Variants in NAA16 observed in about 807,000 individuals in gnomAD.
NAA16 encodes the protein NARG1-like protein.
NAA16 carries 97 observed loss-of-function variants against 110.3 expected under a neutral mutation model. The ratio of observed to expected loss-of-function variants is 0.88; its 90% confidence interval spans 0.75 to 1.04. The LOEUF (loss-of-function observed/expected upper bound fraction) is 1.04. Among genes scored for constraint, NAA16 ranks in the 50% least tolerant of loss-of-function variants. The probability of loss-of-function intolerance (pLI) is 0.00; values close to 1 mark genes in which losing one functional copy is unlikely to be tolerated. For missense variants in NAA16, 1,017 were observed against 1,005.1 expected (o/e 1.01, Z -0.16); for synonymous variants, 372 against 330.6 (o/e 1.13, Z -1.36).
Position 41,376,150 on chromosome 13 carries a change from C to G in NAA16, c.*548C>G, listed in dbSNP as rs139487013. 6 of 152,300 alleles carry G rather than the reference C, an allele frequency of 3.9e-5. No individual in the cohort carries two copies. The highest frequency in any genetic ancestry group is 3.3e-4 in the Admixed American group (5 of 15,268). 9.4% of individuals were successfully genotyped at this position (152,300 alleles called of 1,614,324 possible). A position where few individuals can be genotyped will look rare whatever the true frequency, so the allele number is the denominator to read the frequency against. On this transcript the variant is annotated 3_prime_UTR_variant, in exon 20 of 20. Transcript: ENST00000379406. The stretch of plus-strand genomic sequence containing the variant: ...ACTGAAAATACAAAAATTAGCCAGA[C>G]GTGATGGCACATACCTGTAATCCAA...
At chr13:41,336,784 CTA>C (rs2042393210) in intron 9 of NAA16, 28 bp downstream of exon 9, 1 of 1,318,696 alleles carries the variant, frequency 7.6e-7, no homozygotes, top group African/African-American at 1.5e-5. Flanking sequence ...TTCAGATTTG[CTA>C]TAGTCTTTTT....
rs972826266 is a variant in NAA16 at position 41,362,227 on chromosome 13, A to G, written c.1539+68A>G. Reference sequence around the variant, plus strand: ...ATAAAAAGCAGGTAGATTTCTACACAGGATCATCTGCCTCTTCTAACTTCT... The same window carrying G: ...ATAAAAAGCAGGTAGATTTCTACACGGGATCATCTGCCTCTTCTAACTTCT... On this transcript the variant is annotated intron_variant, in intron 13 of 19. Coordinates refer to ENST00000379406, the MANE Select transcript of NAA16 (RefSeq NM_024561.5). 5 of 1,488,226 alleles carry G rather than the reference A, an allele frequency of 3.4e-6. No homozygotes were observed. The Admixed American group carries it at 9.7e-5, about 29-fold the overall frequency. 92.2% of individuals were successfully genotyped at this position (1,488,226 alleles called of 1,614,324 possible).
rs528851474 is a variant in NAA16, at chr13:41,312,838, A to G, written c.54+1256A>G. Among the ~76,000 whole-genome samples the G allele has an allele frequency of 2.0e-5, 3 of 152,322 alleles. No homozygotes were observed. In the South Asian group the frequency reaches 6.2e-4, roughly 32 times the overall value. The stretch of plus-strand genomic sequence containing the variant: ...CTTAGTTTTGAACCAATAATAAGAT[A>G]CAAATGTGAGAACATTAAAAATACG... On this transcript the variant is annotated intron_variant, in intron 1 of 19. Transcript: ENST00000379406.
chr13:41,311,695 G>A, intron 1 of NAA16, 113 bp downstream of exon 1: 2 of 986,404 alleles, frequency 2.0e-6, no homozygotes, highest in Non-Finnish European at 3.0e-6. Flanking sequence ...GCTGCCCACC[G>A]CTCTTTGTTT....
At chr13:41,336,392 G>A (rs1329818766) in intron 8 of NAA16, among the ~76,000 whole-genome samples, 1 of 152,160 alleles carries the variant, frequency 6.6e-6, no homozygotes, top group Non-Finnish European at 1.5e-5. Flanking sequence ...GTCTGCTGCA[G>A]AGTGCTTTAT....
intron 10 of NAA16, among the ~76,000 whole-genome samples, chr13:41,356,583 C>T (rs539097812): frequency 5.9e-5 from 9 of 152,232 alleles, no homozygotes; most frequent in African/African-American, 2.2e-4. Flanking sequence ...CACATTTCCC[C>T]CATTATCCAA....
At chr13:41,364,583 AT>A (rs1329242618) in intron 13 of NAA16, among the ~76,000 whole-genome samples, 1 of 151,780 alleles carries the variant, frequency 6.6e-6, no homozygotes, top group South Asian at 2.1e-4. Context: ...CTTTCTTTCC[AT>A]TTTTTTCTTT....
chr13:41,320,866 C>A (rs898429397), intron 4 of NAA16, 42 bp downstream of exon 4: 1 of 1,524,390 alleles, frequency 6.6e-7, no homozygotes, highest in Non-Finnish European at 8.8e-7. Context: ...TTACAGTAGA[C>A]AAAATTTAAG....
At position 41,340,495 on chromosome 13, in the gene NAA16, T is replaced by C. The variant is rs148489509; in HGVS notation, c.1014+3739T>C. On this transcript the variant is annotated intron_variant, in intron 9 of 19. Coordinates refer to ENST00000379406, the MANE Select transcript of NAA16 (RefSeq NM_024561.5). ...CTATAAATTTCCCTCTACACACTGCTTTAAATGTGTCCCAGAGATCGTGGT... is the reference window on the plus strand; with the variant it reads ...CTATAAATTTCCCTCTACACACTGCCTTAAATGTGTCCCAGAGATCGTGGT... Among the ~76,000 whole-genome samples the C allele has an allele frequency of 3.8e-3, 586 of 152,242 alleles. 16 individuals carry two copies. In the East Asian group the frequency reaches 0.093, roughly 24 times the overall value.
chr13:41,367,718 C>A (rs2043235484), intron 14 of NAA16, 66 bp downstream of exon 14: 1 of 1,013,786 alleles, frequency 9.9e-7, no homozygotes, highest in Non-Finnish European at 1.4e-6. Flanking sequence ...TTAGCGTAAA[C>A]AATACCTAGA....
At chr13:41,357,767 G>A (rs1278482420) in intron 10 of NAA16, among the ~76,000 whole-genome samples, 3 of 152,188 alleles carry the variant, frequency 2.0e-5, no homozygotes, top group African/African-American at 7.2e-5. Flanking sequence ...GGACTGGGCT[G>A]TGTTTTTTCT....
At chr13:41,353,783 A>G (rs1302376198) in intron 9 of NAA16, among the ~76,000 whole-genome samples, 3 of 151,554 alleles carry the variant, frequency 2.0e-5, no homozygotes, top group African/African-American at 7.3e-5. Flanking sequence ...ACACACACAC[A>G]CACACACACA....
Position 41,311,329 on chromosome 13 carries a change from C to T in NAA16, c.-200C>T, listed in dbSNP as rs138819345. 17,593 of 589,310 alleles carry T rather than the reference C, an allele frequency of 0.03. 319 individuals carry two copies. Among genetic ancestry groups the T allele is most frequent in the Middle Eastern group, 0.062 (217 of 3,508 alleles). 36.5% of individuals were successfully genotyped at this position (589,310 alleles called of 1,614,324 possible). On this transcript the variant is annotated 5_prime_UTR_variant, in exon 1 of 20. Coordinates refer to ENST00000379406, the MANE Select transcript of NAA16 (RefSeq NM_024561.5). Reference sequence around the variant, plus strand: ...AAAGCGGAGCCCAGGGGAAGCGTGTCCTGCTCAGACCGCCTTCCTTCTCCA... The same window carrying T: ...AAAGCGGAGCCCAGGGGAAGCGTGTTCTGCTCAGACCGCCTTCCTTCTCCA...
intron 10 of NAA16, 90 bp downstream of exon 10, chr13:41,355,306 A>C (rs1427133036): frequency 6.2e-5 from 44 of 709,074 alleles, no homozygotes; most frequent in Non-Finnish European, 6.8e-5. Flanking sequence ...TGTGTGTGCT[A>C]CCTAATGGCT....
At position 41,311,512 on chromosome 13, in the gene NAA16, C is replaced by G; in HGVS notation, c.-17C>G. On this transcript the variant is annotated 5_prime_UTR_variant, in exon 1 of 20. Coordinates refer to ENST00000379406, the MANE Select transcript of NAA16 (RefSeq NM_024561.5). Reference sequence around the variant, plus strand: ...CCTAGCCTCCCTGCCGGCCACCTAGCCTCCCTGCCGGCCACGATGCCGAAC... The same window carrying G: ...CCTAGCCTCCCTGCCGGCCACCTAGGCTCCCTGCCGGCCACGATGCCGAAC... 1 of 1,593,592 alleles carries G rather than the reference C, an allele frequency of 6.3e-7. No homozygotes were observed. The highest frequency in any genetic ancestry group is 8.5e-7 in the Non-Finnish European group (1 of 1,170,748).
At chr13:41,319,863 ATTT>A (rs371132882) in intron 3 of NAA16, among the ~76,000 whole-genome samples, 1 of 138,774 alleles carries the variant, frequency 7.2e-6, no homozygotes. Context: ...ATTGATTTTC[ATTT>A]TTTTTTTTTT....
intron 1 of NAA16, among the ~76,000 whole-genome samples, chr13:41,312,030 C>T (rs1463318350): frequency 1.3e-5 from 2 of 152,212 alleles, no homozygotes; most frequent in African/African-American, 2.4e-5. Context: ...GCACAGCACA[C>T]CCGCATACCT....
chr13:41,326,694 G>A (rs2042100908), intron 6 of NAA16, among the ~76,000 whole-genome samples: 1 of 152,092 alleles, frequency 6.6e-6, no homozygotes, highest in South Asian at 2.1e-4. Flanking sequence ...CACATTCCCT[G>A]ACTTCAGAGC....
intron 18 of NAA16, chr13:41,374,458 C>A: frequency 4.5e-6 from 1 of 219,880 alleles, no homozygotes; most frequent in East Asian, 9.7e-5. Context: ...AGTCACTGTC[C>A]ATCTGATAAA....
Sources: gnomAD v4.1 joint callset for allele counts (sites outside exome capture counted in the v4.1 genomes callset) on GRCh38, gnomAD v4.1.1 for gene constraint, MANE v1.5 for transcripts, NCBI Gene and HGNC (gene_info 2026-07-23, HGNC 2026-07-21) for gene names.